MYO1D: variants seen among roughly 807,000 people sequenced by gnomAD.
MYO1D encodes the protein myosin ID, also known as unconventional myosin-Id.
Under a neutral mutation model 122.0 loss-of-function variants are expected in MYO1D, and 83 were observed. That is an observed-to-expected ratio of 0.68 (90% CI 0.57 to 0.82). The LOEUF (loss-of-function observed/expected upper bound fraction) is 0.82. MYO1D is among the 40% of genes least tolerant of loss of function. The pLI, the probability that MYO1D is intolerant of heterozygous loss-of-function variation, is 0.00. For synonymous variants in MYO1D, 464 were observed against 446.9 expected (o/e 1.04, Z -0.48); for missense variants, 1,157 against 1,269.5 (o/e 0.91, Z 1.35).
intron 21 of MYO1D, among the ~76,000 whole-genome samples, chr17:32,531,868 G>A (rs902628099): frequency 6.6e-6 from 1 of 152,236 alleles, no homozygotes; most frequent in African/African-American, 2.4e-5. Flanking sequence ...AGCTTCTAGA[G>A]TATTATGTGT....
At chr17:32,657,734 G>A (rs796414020) in intron 17 of MYO1D, among the ~76,000 whole-genome samples, 2 of 152,328 alleles carry the variant, frequency 1.3e-5, no homozygotes, top group East Asian at 3.9e-4. Context: ...CTGCAACACA[G>A]CAGACATTCA....
intron 21 of MYO1D, among the ~76,000 whole-genome samples, chr17:32,544,380 C>T (rs1476715531): frequency 6.6e-6 from 1 of 152,146 alleles, no homozygotes; most frequent in African/African-American, 2.4e-5. Flanking sequence ...AGATTACAGG[C>T]ATGAGCCACT....
intron 1 of MYO1D, among the ~76,000 whole-genome samples, chr17:32,860,591 C>G (rs2091062843): frequency 6.6e-6 from 1 of 152,170 alleles, no homozygotes; most frequent in South Asian, 2.1e-4. Context: ...GTAAGCTTTT[C>G]CATTGTTTCA....
chr17:32,654,794 C>T (rs1232394443), intron 17 of MYO1D, among the ~76,000 whole-genome samples, 173 bp from the exon 18 acceptor site: 1 of 152,110 alleles, frequency 6.6e-6, no homozygotes, highest in Non-Finnish European at 1.5e-5. Context: ...TCTTCTGCCT[C>T]AGCCTCCTGG....
chr17:32,569,382 G>C (rs909418044), intron 21 of MYO1D, among the ~76,000 whole-genome samples: 3 of 152,192 alleles, frequency 2.0e-5, no homozygotes, highest in East Asian at 3.8e-4. Flanking sequence ...GGACACACAG[G>C]CCTCTTGTAC....
intron 19 of MYO1D, among the ~76,000 whole-genome samples, chr17:32,641,735 T>G (rs1020727310): frequency 6.6e-6 from 1 of 152,252 alleles, no homozygotes; most frequent in South Asian, 2.1e-4. Context: ...ATGTCTTCTT[T>G]TGAGAAGTGT....
intron 17 of MYO1D, chr17:32,658,889 AC>A: frequency 1.8e-6 from 1 of 554,036 alleles, no homozygotes; most frequent in Non-Finnish European, 3.2e-6. Context: ...GGGTTGTGGC[AC>A]ATTGCTGTCA....
At chr17:32,797,059 C>A (rs2151040463) in intron 1 of MYO1D, among the ~76,000 whole-genome samples, 1 of 152,184 alleles carries the variant, frequency 6.6e-6, no homozygotes, top group Non-Finnish European at 1.5e-5. Flanking sequence ...CAACCTCTGC[C>A]TCCCAGGTTC....
intron 1 of MYO1D, among the ~76,000 whole-genome samples, chr17:32,791,801 TA>T (rs1164943707): frequency 6.6e-6 from 1 of 152,152 alleles, no homozygotes; most frequent in Non-Finnish European, 1.5e-5. Context: ...ATAGGCAAGA[TA>T]GACTCTTAGT....
chr17:32,661,540 A>G (rs2088565117), intron 16 of MYO1D, among the ~76,000 whole-genome samples: 1 of 152,102 alleles, frequency 6.6e-6, no homozygotes, highest in South Asian at 2.1e-4. Context: ...CTGTAGTCCC[A>G]GCTTCTCAGG....
At chr17:32,853,417 C>G (rs1444235671) in intron 1 of MYO1D, among the ~76,000 whole-genome samples, 2 of 152,136 alleles carry the variant, frequency 1.3e-5, no homozygotes, top group African/African-American at 4.8e-5. Context: ...TGAATTTATT[C>G]TTATTCTATG....
intron 19 of MYO1D, among the ~76,000 whole-genome samples, chr17:32,646,911 C>T (rs2088302928): frequency 6.6e-6 from 1 of 152,092 alleles, no homozygotes; most frequent in Non-Finnish European, 1.5e-5. Context: ...AAATTCCAGA[C>T]TTATAATTAT....
chr17:32,581,516 CTTTTCT>C (rs916614973), intron 21 of MYO1D, among the ~76,000 whole-genome samples: 1 of 150,666 alleles, frequency 6.6e-6, no homozygotes, highest in African/African-American at 2.4e-5. Flanking sequence ...TTTCCTTTTC[CTTTTCT>C]CTCTCTCTTC....
rs183511918 is a variant in MYO1D at position 32,505,954 on chromosome 17, C to T, written c.2865-11039G>A. Among the ~76,000 whole-genome samples the T allele has an allele frequency of 6.8e-4, 103 of 152,334 alleles. No homozygotes were observed. In the East Asian group the frequency reaches 0.018, roughly 26 times the overall value. On this transcript the variant is annotated intron_variant, in intron 21 of 21. Coordinates refer to ENST00000318217, the MANE Select transcript of MYO1D (RefSeq NM_015194.3). ...CTCAGACAGGCTGGACGAGGTCGCTCACGCCTGTAATCCTAGCACTTTGGG... is the reference window on the plus strand; with the variant it reads ...CTCAGACAGGCTGGACGAGGTCGCTTACGCCTGTAATCCTAGCACTTTGGG...
At chr17:32,627,827 C>A (rs541890119) in intron 20 of MYO1D, 1 of 152,242 alleles carries the variant, frequency 6.6e-6, no homozygotes, top group African/African-American at 2.4e-5. Context: ...GGTTACTGTG[C>A]TCTCACTCAA....
intron 20 of MYO1D, among the ~76,000 whole-genome samples, chr17:32,605,605 T>C (rs2087617509): frequency 6.6e-6 from 1 of 152,116 alleles, no homozygotes; most frequent in African/African-American, 2.4e-5. Context: ...GGGATGGTTC[T>C]TTCAGAAGAT....
rs540676454 is a variant in MYO1D at position 32,636,809 on chromosome 17, T to C, written c.2709+1913A>G. On this transcript the variant is annotated intron_variant, in intron 20 of 21. Coordinates refer to ENST00000318217, the MANE Select transcript of MYO1D (RefSeq NM_015194.3). ...GTGCCTAGGCACTTCCAGCCCTCTGTGAGTAAGGGCAAAGCAGGTTTGGCA... is the reference window on the plus strand; with the variant it reads ...GTGCCTAGGCACTTCCAGCCCTCTGCGAGTAAGGGCAAAGCAGGTTTGGCA... Among the ~76,000 whole-genome samples the C allele has an allele frequency of 2.0e-5, 3 of 152,264 alleles. No homozygotes were observed. In the South Asian group the frequency reaches 6.2e-4, roughly 32 times the overall value.
intron 1 of MYO1D, among the ~76,000 whole-genome samples, chr17:32,847,843 A>G (rs1270406397): frequency 6.6e-6 from 1 of 152,206 alleles, no homozygotes; most frequent in African/African-American, 2.4e-5. Context: ...ACATGTTAAA[A>G]ACATGGCTCA....
chr17:32,557,282 C>T (rs1031325147), intron 21 of MYO1D, among the ~76,000 whole-genome samples: 1 of 151,906 alleles, frequency 6.6e-6, no homozygotes, highest in African/African-American at 2.4e-5. Flanking sequence ...CCACGCCCGG[C>T]TAATTTTTTT....
Sources: allele counts gnomAD v4.1 joint callset (sites outside exome capture counted in the v4.1 genomes callset), GRCh38; gene constraint gnomAD v4.1.1; transcripts MANE v1.5; gene names NCBI Gene and HGNC (gene_info 2026-07-23, HGNC 2026-07-21).